LRIG1: variants seen among roughly 807,000 people sequenced by gnomAD.
The protein encoded by LRIG1 is leucine rich repeats and immunoglobulin like domains 1, also known as leucine-rich repeats and immunoglobulin-like domains protein 1.
In LRIG1, 48 loss-of-function variants were observed where a neutral mutation model predicts 99.2. The ratio of observed to expected loss-of-function variants is 0.48; its 90% CI spans 0.38 to 0.62. The LOEUF is 0.62. Among genes scored for constraint, LRIG1 ranks in the 20% least tolerant of loss-of-function variants. The pLI is 0.00. For missense variants in LRIG1, 1,646 were observed against 1,434.4 expected (o/e 1.15, Z -2.38); for synonymous variants, 772 against 596.1 (o/e 1.29, Z -4.30).
rs746045368 is a variant in LRIG1 at position 66,383,281 on chromosome 3, C to T, written c.2192G>A (p.Arg731His). The T allele has an allele frequency of 2.5e-5, 40 of 1,613,592 alleles. No homozygotes were observed. The highest frequency in any genetic ancestry group is 3.3e-4 in the Middle Eastern group (2 of 6,078). Residue 731 changes from arginine to histidine, a missense_variant, in exon 15 of 19, where the codon CGC becomes CAC. Transcript: ENST00000273261. ...GTGCCGCTCAGTGAGGCTCAGCGGG[C>T]GGTCCCCCTTGAACCAGGTGATGCG... is the stretch of plus-strand genomic sequence containing the variant. ...PPRITWFKGDRPLSLTERHHL... is the reference protein window; with the variant it reads ...PPRITWFKGDHPLSLTERHHL...
At position 66,498,564 on chromosome 3, in the gene LRIG1, T is replaced by TAA. The variant is rs1050819942; in HGVS notation, c.218+1624_218+1625dup. The stretch of plus-strand genomic sequence containing the variant: ...CTGATTTTGCCCACATGATTCTATT[T>TAA]AAAAAAAAAAAAAAAAACTACCGTA... On this transcript the variant is annotated intron_variant, in intron 1 of 18. Coordinates refer to ENST00000273261, the MANE Select transcript of LRIG1 (RefSeq NM_015541.3). 3.9e-3 allele frequency among the ~76,000 whole-genome samples: 486 copies of TAA among 124,592 alleles called. 5 individuals are homozygous for TAA. In the East Asian group the frequency reaches 0.042, roughly 11 times the overall value. The allele number at this position is 124,592 out of a possible 152,430, so 81.7% of individuals were successfully genotyped here. A position where few individuals can be genotyped will look rare whatever the true frequency, so the allele number is the denominator to read the frequency against.
At chr3:66,386,372 T>C in intron 12 of LRIG1, 71 bp from the exon 13 acceptor site, 1 of 1,310,980 alleles carries the variant, frequency 7.6e-7, no homozygotes, top group Non-Finnish European at 1.1e-6. Context: ...CTGTTCATGC[T>C]AACAGAAACT....
At chr3:66,395,149 G>T (rs896027977) in intron 11 of LRIG1, among the ~76,000 whole-genome samples, 1 of 152,112 alleles carries the variant, frequency 6.6e-6, no homozygotes. Flanking sequence ...GCTGGCCCAC[G>T]ATAAGGGAAG....
Position 66,394,143 on chromosome 3 carries a change from T to A in LRIG1, c.1365A>T (p.Leu455=), listed in dbSNP as rs775617636. 11 of 1,611,670 alleles carry A rather than the reference T, an allele frequency of 6.8e-6. No homozygotes were observed. The highest frequency in any genetic ancestry group is 9.3e-6 in the Non-Finnish European group (11 of 1,179,168). The part of the protein sequence containing the change: ...DCQLKWLPPW[L]IGRMLQAFVT... ...CAAAGGCCTGCAGCATCCTGCCAATTAGCCACGGGGGCAGCCACTTCAGCT... is the reference window on the plus strand; with the variant it reads ...CAAAGGCCTGCAGCATCCTGCCAATAAGCCACGGGGGCAGCCACTTCAGCT... The change falls in exon 12 of 19, where the codon CTA becomes CTT. Residue 455 remains leucine, a synonymous_variant. Transcript: ENST00000273261.
rs116123232 is a variant in LRIG1, at chr3:66,410,809, G to T, written c.792-537C>A. On this transcript the variant is annotated intron_variant, in intron 6 of 18. Coordinates refer to ENST00000273261, the MANE Select transcript of LRIG1 (RefSeq NM_015541.3). ...ATTATCACCCGCATCTCACACATGA[G>T]GAATGTGCTGCTGAGAGAAGCCAGG... Among the ~76,000 whole-genome samples, 777 of 152,340 alleles carry T rather than the reference G, an allele frequency of 5.1e-3. 10 individuals are homozygous for T. Among genetic ancestry groups the T allele is most frequent in the African/African-American group, 0.014 (571 of 41,572 alleles).
At chr3:66,423,504 G>A (rs1486552549) in intron 3 of LRIG1, among the ~76,000 whole-genome samples, 3 of 152,238 alleles carry the variant, frequency 2.0e-5, no homozygotes, top group Admixed American at 6.5e-5. Context: ...CTGGGAGGCA[G>A]AGGTTGTAGT....
chr3:66,387,639 C>T (rs1452073469), intron 12 of LRIG1: 1 of 151,840 alleles, frequency 6.6e-6, no homozygotes, highest in African/African-American at 2.4e-5. Flanking sequence ...ATTTTAAATG[C>T]CCAATTTTCA....
At chr3:66,467,357 A>AT (rs11360909) in intron 1 of LRIG1, among the ~76,000 whole-genome samples, 3,327 of 99,898 alleles carry the variant, frequency 0.033, 114 homozygotes, top group African/African-American at 0.066. Context: ...CACACTAGCT[A>AT]TTTTTTTTTT....
intron 3 of LRIG1, among the ~76,000 whole-genome samples, chr3:66,427,018 C>T (rs188526637): frequency 2.6e-5 from 4 of 152,340 alleles, no homozygotes; most frequent in East Asian, 1.9e-4. Flanking sequence ...CTCTTTGCTT[C>T]GCCTGAACCT....
intron 3 of LRIG1, among the ~76,000 whole-genome samples, chr3:66,434,608 C>A (rs1458742076): frequency 6.6e-6 from 1 of 151,930 alleles, no homozygotes; most frequent in African/African-American, 2.4e-5. Context: ...TTAGCCAGGC[C>A]TGGTGGCGTA....
intron 1 of LRIG1, among the ~76,000 whole-genome samples, chr3:66,476,190 G>A (rs1371291662): frequency 6.6e-6 from 1 of 152,176 alleles, no homozygotes; most frequent in Non-Finnish European, 1.5e-5. Flanking sequence ...AATGCGCAGA[G>A]ATTAAACCCT....
At chr3:66,459,485 C>T (rs1049780257) in intron 2 of LRIG1, among the ~76,000 whole-genome samples, 4 of 152,242 alleles carry the variant, frequency 2.6e-5, no homozygotes, top group African/African-American at 9.6e-5. Context: ...AGGCTCTGTA[C>T]TTGCAGTGCT....
intron 10 of LRIG1, among the ~76,000 whole-genome samples, chr3:66,398,465 C>CT (rs141486362): frequency 1.7e-3 from 260 of 152,288 alleles, no homozygotes; most frequent in Non-Finnish European, 3.3e-3. Flanking sequence ...AGGAAACAAA[C>CT]TAAGAATCAC....
chr3:66,398,256 T>C (rs1349148746), intron 10 of LRIG1, 73 bp from the exon 11 acceptor site: 10 of 1,175,632 alleles, frequency 8.5e-6, no homozygotes, highest in African/African-American at 1.5e-5. Context: ...ACAGTCCTGG[T>C]TTCACAGATG....
chr3:66,381,133 G>T (rs1305721227), intron 17 of LRIG1, among the ~76,000 whole-genome samples: 1 of 152,178 alleles, frequency 6.6e-6, no homozygotes, highest in Non-Finnish European at 1.5e-5. Context: ...TTAGCCTTAG[G>T]TACCATGCAG....
intron 3 of LRIG1, among the ~76,000 whole-genome samples, chr3:66,428,530 C>T (rs1256685194): frequency 6.6e-6 from 1 of 152,160 alleles, no homozygotes; most frequent in Non-Finnish European, 1.5e-5. Flanking sequence ...AATGTTGATG[C>T]TAAAGTCCAC....
intron 1 of LRIG1, among the ~76,000 whole-genome samples, chr3:66,480,976 C>G (rs1575725569): frequency 6.6e-6 from 1 of 152,098 alleles, no homozygotes; most frequent in African/African-American, 2.4e-5. Context: ...TCTGGAAAGT[C>G]CCTCCAGAGT....
chr3:66,419,720 A>T (rs1314870415), intron 3 of LRIG1, among the ~76,000 whole-genome samples: 1 of 151,546 alleles, frequency 6.6e-6, no homozygotes, highest in African/African-American at 2.4e-5. Context: ...GGCACAAGAG[A>T]CCCTCTGATT....
chr3:66,425,693 T>C (rs1163180499), intron 3 of LRIG1, among the ~76,000 whole-genome samples: 1 of 152,092 alleles, frequency 6.6e-6, no homozygotes, highest in African/African-American at 2.4e-5. Flanking sequence ...GATTCTGCAC[T>C]TATGGGGACC....
Sources: gnomAD v4.1 joint callset for allele counts (sites outside exome capture counted in the v4.1 genomes callset) on GRCh38, gnomAD v4.1.1 for gene constraint, MANE v1.5 for transcripts, NCBI Gene and HGNC (gene_info 2026-07-23, HGNC 2026-07-21) for gene names.